NLRC3: variants seen among roughly 807,000 people sequenced by gnomAD.
The protein encoded by NLRC3 is NLR family CARD domain containing 3, also known as NLR family CARD domain-containing protein 3.
In NLRC3, 87 loss-of-function variants were observed where a neutral mutation model predicts 91.6. The observed-to-expected ratio is 0.95, with a 90% CI of 0.80 to 1.14. The LOEUF is 1.14. NLRC3 is among the 50% of genes most tolerant of loss of function. The pLI, the probability that NLRC3 is intolerant of heterozygous loss-of-function variation, is 0.00. For synonymous variants in NLRC3, 694 were observed against 625.3 expected (o/e 1.11, Z -1.64); for missense variants, 1,577 against 1,418.6 (o/e 1.11, Z -1.79).
intron 16 of NLRC3, 143 bp from the exon 17 acceptor site, chr16:3,543,651 A>C: frequency 1.6e-6 from 1 of 643,364 alleles, no homozygotes; most frequent in East Asian, 2.8e-5. Flanking sequence ...GTGTCTAGGC[A>C]CTCCATCTCC....
rs2040347553 is a variant in NLRC3 at position 3,577,377 on chromosome 16, G to GAGCCCACC, written c.-405_-398dup. The GAGCCCACC allele has an allele frequency of 1.7e-6, 1 of 575,322 alleles. No individual in the cohort carries two copies. Among genetic ancestry groups the GAGCCCACC allele is most frequent in the Non-Finnish European group, 3.1e-6 (1 of 323,962 alleles). The allele number at this position is 575,322 out of a possible 1,614,324, so 35.6% of individuals were successfully genotyped here. A position where few individuals can be genotyped will look rare whatever the true frequency, so the allele number is the denominator to read the frequency against. ...AGCCCCGACCTTCTGCAGCCCCACC[G>GAGCCCACC]AGCCCACCGGCTGTCCCTGTGGCTC... On this transcript the variant is annotated 5_prime_UTR_variant, in exon 1 of 20. Transcript: ENST00000359128.
At chr16:3,573,844 G>A (rs1024524299) in intron 1 of NLRC3, among the ~76,000 whole-genome samples, 1 of 151,814 alleles carries the variant, frequency 6.6e-6, no homozygotes, top group East Asian at 1.9e-4. Flanking sequence ...ATAAAGACAG[G>A]GTCCTGCTTT....
At chr16:3,548,840 AC>A in intron 13 of NLRC3, 87 bp from the exon 14 acceptor site, 1 of 921,262 alleles carries the variant, frequency 1.1e-6, no homozygotes, top group Non-Finnish European at 1.7e-6. Context: ...AGGGCTTGAT[AC>A]CAGATCACCC....
rs901969652 is a variant in NLRC3 at position 3,563,833 on chromosome 16, A to C, written c.1104T>G (p.Phe368Leu). The C allele has an allele frequency of 1.2e-6, 2 of 1,608,636 alleles. No individual in the cohort carries two copies. The highest frequency in any genetic ancestry group is 2.7e-5 in the African/African-American group (2 of 74,830). Residue 368 changes from phenylalanine (F) to leucine (L), a missense_variant, in exon 5 of 20, where the codon TTT (phenylalanine) becomes TTG (leucine). Phe to Leu is a conservative substitution (Grantham distance 22). Transcript: ENST00000359128. ...RTLCELYSWY[F>L]RMALSGEGQE... ...GCCCCTCCCCGCTGAGGGCCATCCTAAAGTACCATGAGTAGAGCTCGCACA... is the reference window on the plus strand; with the variant it reads ...GCCCCTCCCCGCTGAGGGCCATCCTCAAGTACCATGAGTAGAGCTCGCACA...
At position 3,549,189 on chromosome 16, in the gene NLRC3, C is replaced by T. The variant is rs779089949; in HGVS notation, c.2556G>A (p.Gln852=). The T allele has an allele frequency of 2.5e-6, 4 of 1,589,528 alleles. No homozygotes were observed. Among genetic ancestry groups the T allele is most frequent in the African/African-American group, 2.7e-5 (2 of 74,504 alleles). Residue 852 remains glutamine (Q), a synonymous_variant, in exon 13 of 20, where the codon CAG becomes CAA. Transcript: ENST00000359128. ...RENSISPEGA[Q]AIAHALCANS... ...TGGCGCAGAGGGCATGAGCGATGGC[C>T]TGGGCTCCCTCGGGACTGATGGAGT... is the stretch of plus-strand genomic sequence containing the variant.
chr16:3,542,692 T>C lies in NLRC3; in HGVS notation c.3023A>G (p.Asn1008Ser), dbSNP rs760942910. The C allele has an allele frequency of 1.2e-6, 2 of 1,603,574 alleles. No homozygotes were observed. The highest frequency in any genetic ancestry group is 8.5e-7 in the Non-Finnish European group (1 of 1,172,538). The change falls in exon 18 of 20, where the codon AAT (asparagine) becomes AGT (serine). Residue 1008 changes from asparagine to serine, a missense_variant and splice_region_variant. By Grantham distance (46) the Asn-to-Ser change is conservative. Coordinates refer to ENST00000359128, the MANE Select transcript of NLRC3 (RefSeq NM_178844.4). ...LKVNSSLRRL[N>S]LQENSLGMDG... ...CAGGTAGGTCCCTCCAGCCACTTAC[T>C]TGAGTCTCCGGAGACTTGAGTTTAC...
chr16:3,547,354 C>G (rs775768585), intron 15 of NLRC3, among the ~76,000 whole-genome samples: 1 of 152,046 alleles, frequency 6.6e-6, no homozygotes, highest in African/African-American at 2.4e-5. Flanking sequence ...CATTTATATG[C>G]GGTGTCCAGG....
chr16:3,546,681 T>C (rs2038708673), intron 15 of NLRC3, among the ~76,000 whole-genome samples: 1 of 152,108 alleles, frequency 6.6e-6, no homozygotes, highest in Admixed American at 6.5e-5. Flanking sequence ...GGAGAGAGAA[T>C]GCAGGGACCC....
At chr16:3,544,208 G>T in intron 16 of NLRC3, 38 bp downstream of exon 16, 1 of 1,263,770 alleles carries the variant, frequency 7.9e-7, no homozygotes, top group Non-Finnish European at 1.2e-6. Context: ...ATGGCGAAGG[G>T]ACCGGTTTCC....
At chr16:3,561,619 C>T in intron 6 of NLRC3, 83 bp downstream of exon 6, 4 of 952,060 alleles carry the variant, frequency 4.2e-6, no homozygotes, top group Admixed American at 1.9e-5. Context: ...CGCCGCTGGC[C>T]AGCTGAGCAG....
rs766153667 is a variant in NLRC3 at position 3,548,669 on chromosome 16, C to T, written c.2687+1G>A. ...AGCAGGGTGGAGAGCTGCAGACTCA[C>T]TGAAGGGAGGTGAGGGTGCGGTTTT... is the stretch of plus-strand genomic sequence containing the variant. On this transcript the variant is annotated splice_donor_variant, in intron 14 of 19. Transcript: ENST00000359128. LOFTEE classifies it high-confidence loss of function. The T allele has an allele frequency of 2.8e-5, 44 of 1,577,496 alleles. No homozygotes were observed. Among genetic ancestry groups the T allele is most frequent in the Non-Finnish European group, 3.8e-5 (44 of 1,160,142 alleles).
chr16:3,570,283 G>A (rs774976837), intron 1 of NLRC3, among the ~76,000 whole-genome samples: 7 of 152,116 alleles, frequency 4.6e-5, no homozygotes, highest in Non-Finnish European at 7.3e-5. Context: ...AATTTTTTAA[G>A]ATAAGGAATA....
At chr16:3,557,748 C>T (rs1385451090) in intron 6 of NLRC3, 72 bp from the exon 7 acceptor site, 1 of 942,280 alleles carries the variant, frequency 1.1e-6, no homozygotes, top group South Asian at 1.4e-5. Context: ...CAACGCTGTG[C>T]CCGTGATTAA....
At position 3,542,805 on chromosome 16, in the gene NLRC3, T is replaced by C. The variant is rs553996867; in HGVS notation, c.2940-30A>G. The C allele has an allele frequency of 2.7e-6, 4 of 1,507,796 alleles. No homozygotes were observed. In the Admixed American group the frequency reaches 5.4e-5, roughly 21 times the overall value. The allele number at this position is 1,507,796 out of a possible 1,614,324, so 93.4% of individuals were successfully genotyped here. ...TGGGAAAGACAGGAAGCCTAAGGCA[T>C]GGGTACAGGCTGAGAGGTGATACTG... On this transcript the variant is annotated intron_variant, in intron 17 of 19. Transcript: ENST00000359128.
intron 6 of NLRC3, 129 bp downstream of exon 6, chr16:3,561,573 G>A (rs2039612603): frequency 1.6e-6 from 1 of 632,130 alleles, no homozygotes; most frequent in Non-Finnish European, 2.8e-6. Context: ...GGCTGCATCT[G>A]GAGCCACATG....
intron 1 of NLRC3, among the ~76,000 whole-genome samples, chr16:3,571,859 G>A (rs1016772767): frequency 2.0e-5 from 3 of 151,658 alleles, no homozygotes; most frequent in Non-Finnish European, 4.4e-5. Context: ...AGAATCGCTT[G>A]AACCCGGGAG....
chr16:3,556,807 G>A (rs2039358755), intron 8 of NLRC3, 104 bp downstream of exon 8: 2 of 773,684 alleles, frequency 2.6e-6, no homozygotes, highest in Non-Finnish European at 2.2e-6. Flanking sequence ...CCGGCCCCAT[G>A]CCTGCCATTG....
chr16:3,564,060 C>G lies in NLRC3; in HGVS notation c.877G>C (p.Glu293Gln), dbSNP rs374619729. Residue 293 changes from glutamate to glutamine, a missense_variant, in exon 5 of 20, where the codon GAG becomes CAG. Transcript: ENST00000359128. The surrounding 1 kb of genome is among the most constrained non-coding windows in gnomAD (Gnocchi z 5.9). Reference protein sequence around the residue: ...MTEIRGFNEEEIKVCLEQMFP... With the variant: ...MTEIRGFNEEQIKVCLEQMFP... ...ATCTGCTCCAAACACACCTTGATCT[C>G]CTCCTCGTTAAAGCCCCGGATCTCC... 2.5e-6 allele frequency: 4 copies of G among 1,612,894 alleles called. No individual in the cohort carries two copies. Among genetic ancestry groups the G allele is most frequent in the Non-Finnish European group, 2.5e-6 (3 of 1,179,870 alleles).
chr16:3,563,170 G>A lies in NLRC3; in HGVS notation c.1767C>T (p.Ser589=), dbSNP rs1316023084. Residue 589 remains serine (S), a synonymous_variant, in exon 5 of 20, where the codon AGC becomes AGT. Transcript: ENST00000359128. ...GACCAGTCAGCCTGGCCAGGGCCCC[G>A]CTCTCCATGGCCTCCTCCACGCTGC... is the stretch of plus-strand genomic sequence containing the variant. The part of the protein sequence containing the change: ...LARSVEEAME[S]GALARLTGPA... 5 of 1,591,074 alleles carry A rather than the reference G, an allele frequency of 3.1e-6. No individual in the cohort carries two copies. Among genetic ancestry groups the A allele is most frequent in the Non-Finnish European group, 4.3e-6 (5 of 1,171,300 alleles).
Sources: allele counts gnomAD v4.1 joint callset (sites outside exome capture counted in the v4.1 genomes callset), GRCh38; gene constraint gnomAD v4.1.1; non-coding constraint Gnocchi (gnomAD v3.1); transcripts MANE v1.5; gene names NCBI Gene and HGNC (gene_info 2026-07-23, HGNC 2026-07-21).